The following SCN8A variants were observed in gnomAD, a reference collection of about 807,000 sequenced individuals.
The protein encoded by SCN8A is sodium channel protein type 8 subunit alpha.
In SCN8A, 30 loss-of-function variants were observed where a neutral mutation model predicts 184.1. That is an observed-to-expected ratio of 0.16 (90% CI 0.12 to 0.22). The LOEUF (loss-of-function observed/expected upper bound fraction) is 0.22, where lower values mean the gene tolerates loss of function less well. Ranked by LOEUF, SCN8A falls within the 10% of genes least tolerant of loss-of-function variation. The pLI is 1.00. For synonymous variants in SCN8A, 852 were observed against 907.0 expected, an observed-to-expected ratio of 0.94 and a Z score of 1.09; for missense variants, 1,057 against 2,498.9, an observed-to-expected ratio of 0.42 and a Z score of 12.30.
chr12:51,766,757 C>T (rs1169533570), intron 16 of SCN8A, among the ~76,000 whole-genome samples: 1 of 152,184 alleles, frequency 6.6e-6, no homozygotes, highest in Non-Finnish European at 1.5e-5. Context: ...GCAACAAGAT[C>T]ACTGGAGAGT....
intron 1 of SCN8A, among the ~76,000 whole-genome samples, chr12:51,602,673 T>C (rs1055159273): frequency 1.3e-5 from 2 of 152,300 alleles, no homozygotes; most frequent in South Asian, 2.1e-4. Flanking sequence ...GTATGGATGC[T>C]AGTCCAGATT....
At chr12:51,748,217 C>T (rs975828967) in intron 13 of SCN8A, among the ~76,000 whole-genome samples, 1 of 152,202 alleles carries the variant, frequency 6.6e-6, no homozygotes, top group Non-Finnish European at 1.5e-5. Flanking sequence ...GTAGTTCTTG[C>T]TCTCAGACTT....
intron 12 of SCN8A, among the ~76,000 whole-genome samples, chr12:51,740,785 T>C (rs1470548163): frequency 6.6e-6 from 1 of 152,154 alleles, no homozygotes; most frequent in Non-Finnish European, 1.5e-5. Flanking sequence ...GTTATTGTAT[T>C]GAGGTCTCTT....
Position 51,747,081 on chromosome 12 carries a change from CTGTGTGTATGTGTGTG to C in SCN8A, c.2131+1054_2131+1069del, listed in dbSNP as rs1477025907. On this transcript the variant is annotated intron_variant, in intron 13 of 26. Transcript: ENST00000627620. The stretch of plus-strand genomic sequence containing the variant: ...ATTTAAACCCAGTGCCACTTCTACT[CTGTGTGTATGTGTGTG>C]TGTGTGTGTGTGTGTGTGTGTGTGT... Among the ~76,000 whole-genome samples, 25 of 90,634 alleles carry C rather than the reference CTGTGTGTATGTGTGTG, an allele frequency of 2.8e-4. 1 individual carries two copies. The highest frequency in any genetic ancestry group is 1.7e-3 in the South Asian group (5 of 3,014). The allele number at this position is 90,634 out of a possible 152,430, so 59.5% of individuals were successfully genotyped here. A position where few individuals can be genotyped will look rare whatever the true frequency, so the allele number is the denominator to read the frequency against.
intron 2 of SCN8A, among the ~76,000 whole-genome samples, chr12:51,666,665 T>C (rs1941039516): frequency 6.6e-6 from 1 of 152,238 alleles, no homozygotes; most frequent in South Asian, 2.1e-4. Context: ...TGATGAATTG[T>C]CTTTGTGACT....
chr12:51,612,880 C>G (rs1251630474), intron 1 of SCN8A, among the ~76,000 whole-genome samples: 3 of 152,106 alleles, frequency 2.0e-5, no homozygotes, highest in Non-Finnish European at 4.4e-5. Context: ...CACCACCATG[C>G]TCAGCTAATT....
chr12:51,800,964 T>G (rs1418189235), intron 26 of SCN8A, among the ~76,000 whole-genome samples: 1 of 152,238 alleles, frequency 6.6e-6, no homozygotes, highest in Non-Finnish European at 1.5e-5. Flanking sequence ...GTCTGTACGC[T>G]GGTTCAAGTC....
intron 13 of SCN8A, among the ~76,000 whole-genome samples, chr12:51,748,270 A>G (rs949607650): frequency 1.3e-5 from 2 of 152,236 alleles, no homozygotes; most frequent in Non-Finnish European, 2.9e-5. Context: ...AAAGATTAAA[A>G]TAATTATTAT....
chr12:51,770,287 C>G (rs928530638), intron 18 of SCN8A: 2 of 591,588 alleles, frequency 3.4e-6, no homozygotes, highest in Non-Finnish European at 3.0e-6. Context: ...CTTTTCTCCT[C>G]CCTCTCACTG....
At chr12:51,641,497 T>C (rs1940453435) in intron 1 of SCN8A, among the ~76,000 whole-genome samples, 1 of 152,244 alleles carries the variant, frequency 6.6e-6, no homozygotes, top group African/African-American at 2.4e-5. Context: ...CTACTTATTA[T>C]CTTTGTGACC....
At chr12:51,624,819 C>T (rs1381015085) in intron 1 of SCN8A, among the ~76,000 whole-genome samples, 1 of 152,080 alleles carries the variant, frequency 6.6e-6, no homozygotes, top group Non-Finnish European at 1.5e-5. Flanking sequence ...CCAGTTTCAG[C>T]TTTCTACATA....
intron 26 of SCN8A, among the ~76,000 whole-genome samples, chr12:51,796,244 AGAGGTTCCC>A (rs1316006044): frequency 2.0e-5 from 3 of 152,224 alleles, no homozygotes; most frequent in Non-Finnish European, 4.4e-5. Flanking sequence ...TGAGGCACAG[AGAGGTTCCC>A]AAGACATGTG....
At position 51,662,812 on chromosome 12, in the gene SCN8A, G is replaced by A; in HGVS notation, c.-6G>A. ...ATAACTAACGAAGCTGCTGCAGGAT[G>A]AGAAGATGGCAGCGCGGCTGCTTGC... On this transcript the variant is annotated 5_prime_UTR_variant, in exon 2 of 27. It removes an upstream start codon present in the reference 5' UTR. Coordinates refer to ENST00000627620, the MANE Select transcript of SCN8A (RefSeq NM_001330260.2). The A allele has an allele frequency of 6.2e-7, 1 of 1,612,918 alleles. No homozygotes were observed. Among genetic ancestry groups the A allele is most frequent in the South Asian group, 1.1e-5 (1 of 91,036 alleles).
chr12:51,616,659 C>T (rs933736515), intron 1 of SCN8A, among the ~76,000 whole-genome samples: 1 of 152,110 alleles, frequency 6.6e-6, no homozygotes, highest in African/African-American at 2.4e-5. Context: ...GTGGTTCCTG[C>T]TTGTCATCTC....
chr12:51,701,031 T>A (rs2138738677), intron 7 of SCN8A, 113 bp from the exon 8 acceptor site: 1 of 614,614 alleles, frequency 1.6e-6, no homozygotes, highest in Admixed American at 2.7e-5. Flanking sequence ...TGGAAAAGAT[T>A]TATGAGCTAA....
At chr12:51,780,091 T>C (rs1937847123) in intron 20 of SCN8A, 1 of 305,790 alleles carries the variant, frequency 3.3e-6, no homozygotes, top group African/African-American at 2.2e-5. Flanking sequence ...AATGGTTTTT[T>C]GTCAACCAGG....
chr12:51,637,453 A>G (rs1215194309), intron 1 of SCN8A, among the ~76,000 whole-genome samples: 1 of 152,256 alleles, frequency 6.6e-6, no homozygotes, highest in African/African-American at 2.4e-5. Flanking sequence ...TTCTTGAAGG[A>G]AATTAAAAGT....
intron 15 of SCN8A, 93 bp downstream of exon 15, chr12:51,762,769 A>G (rs1050218517): frequency 1.7e-5 from 20 of 1,183,136 alleles, no homozygotes; most frequent in Non-Finnish European, 2.3e-5. Flanking sequence ...TTTAAAAAAT[A>G]TATTAGCTGT....
chr12:51,664,641 G>C (rs757761205), intron 2 of SCN8A, among the ~76,000 whole-genome samples: 2 of 151,970 alleles, frequency 1.3e-5, no homozygotes, highest in Non-Finnish European at 2.9e-5. Context: ...CATCTCTCTG[G>C]ACCTAAACTA....
Sources: allele counts gnomAD v4.1 joint callset (sites outside exome capture counted in the v4.1 genomes callset), GRCh38; gene constraint gnomAD v4.1.1; transcripts MANE v1.5; gene names NCBI Gene and HGNC (gene_info 2026-07-23, HGNC 2026-07-21).